ARID4B: variants seen among roughly 807,000 people sequenced by gnomAD.
The protein encoded by ARID4B is AT-rich interactive domain-containing protein 4B.
Under a neutral mutation model 147.5 loss-of-function variants are expected in ARID4B, and 26 were observed. That is an observed-to-expected ratio of 0.18 (90% CI 0.13 to 0.24). The LOEUF (loss-of-function observed/expected upper bound fraction) is 0.24, where lower values mean the gene tolerates loss of function less well. Among genes scored for constraint, ARID4B ranks in the 10% least tolerant of loss-of-function variants. The probability of loss-of-function intolerance (pLI) is 1.00; values close to 1 mark genes in which losing one functional copy is unlikely to be tolerated. For missense variants in ARID4B, 1,179 were observed against 1,511.5 expected, an observed-to-expected ratio of 0.78 and a Z score of 3.65; for synonymous variants, 512 against 507.9, an observed-to-expected ratio of 1.01 and a Z score of -0.11.
rs1486534310 is a variant in ARID4B, at chr1:235,167,810, CAATG to C, written c.*711_*714del. 4 of 193,422 alleles carry C rather than the reference CAATG, an allele frequency of 2.1e-5. No individual in the cohort carries two copies. Among genetic ancestry groups the C allele is most frequent in the African/African-American group, 9.3e-5 (4 of 43,070 alleles). The allele number at this position is 193,422 out of a possible 1,614,324, so 12.0% of individuals were successfully genotyped here. A position where few individuals can be genotyped will look rare whatever the true frequency, so the allele number is the denominator to read the frequency against. On this transcript the variant is annotated 3_prime_UTR_variant, in exon 24 of 24. Coordinates refer to ENST00000264183, the MANE Select transcript of ARID4B (RefSeq NM_016374.6). ...TTATTAGCCATTTTCTTTTTTCACACAATGTATATCAAAATTAAAAAAAAATACT... is the reference window on the plus strand; with the variant it reads ...TTATTAGCCATTTTCTTTTTTCACACTATATCAAAATTAAAAAAAAATACT...
At chr1:235,315,668 C>G (rs1253904706) in intron 2 of ARID4B, among the ~76,000 whole-genome samples, 3 of 152,170 alleles carry the variant, frequency 2.0e-5, no homozygotes, top group Non-Finnish European at 1.5e-5. Context: ...TTAGCCCGTT[C>G]TACCACCTTA....
intron 3 of ARID4B, among the ~76,000 whole-genome samples, chr1:235,258,789 A>G (rs572411423): frequency 6.6e-6 from 1 of 152,222 alleles, no homozygotes; most frequent in African/African-American, 2.4e-5. Context: ...TTTAAATCAC[A>G]TGTTTAGATA....
intron 19 of ARID4B, among the ~76,000 whole-genome samples, chr1:235,190,857 G>A (rs866241021): frequency 6.6e-6 from 1 of 152,136 alleles, no homozygotes; most frequent in Non-Finnish European, 1.5e-5. Context: ...TAGGAAAATA[G>A]CTGTGCAACA....
At chr1:235,257,021 A>G (rs1670027911) in intron 4 of ARID4B, 139 bp downstream of exon 4, 3 of 664,120 alleles carry the variant, frequency 4.5e-6, no homozygotes, top group Non-Finnish European at 7.7e-6. Flanking sequence ...GATTAAGTCT[A>G]TTTTTTCTAT....
intron 17 of ARID4B, among the ~76,000 whole-genome samples, chr1:235,211,890 T>C (rs1364462787): frequency 6.6e-6 from 1 of 152,208 alleles, no homozygotes; most frequent in Non-Finnish European, 1.5e-5. Context: ...TTGGTAGCTA[T>C]ATCTGAGATC....
chr1:235,212,082 TA>T (rs936250195), intron 17 of ARID4B, among the ~76,000 whole-genome samples: 17 of 151,866 alleles, frequency 1.1e-4, no homozygotes, highest in African/African-American at 3.4e-4. Flanking sequence ...CCATCTCTAC[TA>T]AAAATACGAA....
rs566181442 is a variant in ARID4B at position 235,226,413 on chromosome 1, T to C, written c.898-1638A>G. ...TCTTGCTCTGTCGCCCAGGCTGGAG[T>C]GCAGTGGTGTCATCTCGGCTCACTG... is the stretch of plus-strand genomic sequence containing the variant. On this transcript the variant is annotated intron_variant, in intron 11 of 23. Coordinates refer to ENST00000264183, the MANE Select transcript of ARID4B (RefSeq NM_016374.6). Among the ~76,000 whole-genome samples the C allele has an allele frequency of 1.3e-3, 191 of 152,234 alleles. 1 individual carries two copies. Among genetic ancestry groups the C allele is most frequent in the African/African-American group, 4.5e-3 (187 of 41,512 alleles).
At chr1:235,287,305 A>G (rs960374556) in intron 2 of ARID4B, among the ~76,000 whole-genome samples, 3 of 152,060 alleles carry the variant, frequency 2.0e-5, no homozygotes, top group African/African-American at 7.2e-5. Context: ...CTCACTGCTG[A>G]CTTCTATTTC....
chr1:235,224,809 C>T, intron 11 of ARID4B, 34 bp from the exon 12 acceptor site: 1 of 1,405,470 alleles, frequency 7.1e-7, no homozygotes, highest in African/African-American at 1.4e-5. Flanking sequence ...TTATTTTCTT[C>T]AATTAAGCAT....
At chr1:235,244,024 T>C (rs1332668558) in intron 7 of ARID4B, among the ~76,000 whole-genome samples, 2 of 152,168 alleles carry the variant, frequency 1.3e-5, no homozygotes, top group Admixed American at 6.5e-5. Flanking sequence ...GGGTGAAGTA[T>C]TGGATACAAA....
At position 235,258,394 on chromosome 1, in the gene ARID4B, C is replaced by T. The variant is rs193279358; in HGVS notation, c.118-1169G>A. ...AAGTACCTGGTCCAAGTTTACAGAG[C>T]TAGACATGGTGGAGCTGATATTTAA... On this transcript the variant is annotated intron_variant, in intron 3 of 23. Transcript: ENST00000264183. Among the ~76,000 whole-genome samples, 7 of 152,198 alleles carry T rather than the reference C, an allele frequency of 4.6e-5. No individual in the cohort carries two copies. The East Asian group carries it at 1.3e-3, about 29-fold the overall frequency.
At chr1:235,269,723 T>C (rs1670846335) in intron 2 of ARID4B, among the ~76,000 whole-genome samples, 3 of 152,226 alleles carry the variant, frequency 2.0e-5, no homozygotes, top group African/African-American at 7.2e-5. Context: ...GAGAAAAAGA[T>C]AAATTAGATA....
intron 16 of ARID4B, 54 bp downstream of exon 16, chr1:235,219,739 A>T: frequency 7.2e-7 from 1 of 1,387,920 alleles, no homozygotes; most frequent in Non-Finnish European, 9.9e-7. Flanking sequence ...CAAAGAGCAA[A>T]TGATAAGAAT....
At chr1:235,260,872 TAAC>T (rs1670252168) in intron 2 of ARID4B, 120 bp from the exon 3 acceptor site, 5 of 641,098 alleles carry the variant, frequency 7.8e-6, no homozygotes, top group Non-Finnish European at 1.3e-5. Flanking sequence ...AAATGTATGT[TAAC>T]AAGACCAATC....
rs1664343929 is a variant in ARID4B, at chr1:235,181,978, T to C, written c.2941A>G (p.Ser981Gly). The change falls in exon 20 of 24, where the codon AGT becomes GGT. Residue 981 changes from serine to glycine, a missense_variant. By Grantham distance (56) the Ser-to-Gly change is moderately conservative (BLOSUM62 0). Transcript: ENST00000264183. ...TVAEEESCSP[S>G]VELEKPPPVN... ...GGAGGTGGTTTTTCTAGTTCTACAC[T>C]GGGTGAACAACTCTCCTCTTCAGCC... 3 of 1,614,086 alleles carry C rather than the reference T, an allele frequency of 1.9e-6. No individual in the cohort carries two copies. The highest frequency in any genetic ancestry group is 1.6e-4 in the Middle Eastern group (1 of 6,084).
intron 6 of ARID4B, among the ~76,000 whole-genome samples, chr1:235,250,101 C>T (rs926477147): frequency 3.7e-4 from 56 of 151,708 alleles, no homozygotes; most frequent in South Asian, 4.2e-4. Flanking sequence ...AGCGAGACTC[C>T]GTCTCAAAAA....
At chr1:235,215,545 A>ATGTGTGTGTGTGTGTGTG (rs1324619607) in intron 16 of ARID4B, among the ~76,000 whole-genome samples, 1 of 108,958 alleles carries the variant, frequency 9.2e-6, no homozygotes, top group South Asian at 3.9e-4. Flanking sequence ...GCACACATAT[A>ATGTGTGTGTGTGTGTGTG]TATGTGTGTG....
chr1:235,272,015 T>C (rs1671022603), intron 2 of ARID4B, among the ~76,000 whole-genome samples: 1 of 152,194 alleles, frequency 6.6e-6, no homozygotes, highest in East Asian at 1.9e-4. Context: ...TCGTGTTTCA[T>C]ATCCTCAAGA....
chr1:235,248,047 A>G (rs1004687686), intron 6 of ARID4B, among the ~76,000 whole-genome samples: 2 of 152,128 alleles, frequency 1.3e-5, no homozygotes, highest in African/African-American at 4.8e-5. Flanking sequence ...AGTATATACC[A>G]AACAGAAACT....
Sources: gnomAD v4.1 joint callset for allele counts (sites outside exome capture counted in the v4.1 genomes callset) on GRCh38, gnomAD v4.1.1 for gene constraint, MANE v1.5 for transcripts, NCBI Gene and HGNC (gene_info 2026-07-23, HGNC 2026-07-21) for gene names.